Variants in ATP2C1 observed in about 807,000 individuals in gnomAD.
ATP2C1 encodes ATPase secretory pathway Ca2+ transporting 1.
A neutral mutation model predicts 120.5 loss-of-function variants in ATP2C1; 31 were observed. That is an observed-to-expected ratio of 0.26 (90% confidence interval 0.19 to 0.35). The LOEUF (loss-of-function observed/expected upper bound fraction) is 0.35, where lower values mean the gene tolerates loss of function less well. ATP2C1 is among the 10% of genes least tolerant of loss of function. ATP2C1 has a pLI of 1.00. For synonymous variants in ATP2C1, 351 were observed against 358.7 expected, an observed-to-expected ratio of 0.98 and a Z score of 0.24; for missense variants, 731 against 1,107.5, an observed-to-expected ratio of 0.66 and a Z score of 4.83.
intron 2 of ATP2C1, among the ~76,000 whole-genome samples, chr3:130,906,019 T>C (rs1015923010): frequency 6.6e-6 from 1 of 152,114 alleles, no homozygotes; most frequent in African/African-American, 2.4e-5. Context: ...GAATACTAAT[T>C]CTCTCATAGC....
At chr3:130,999,001 T>C (rs2062764689) in intron 26 of ATP2C1, among the ~76,000 whole-genome samples, 1 of 152,228 alleles carries the variant, frequency 6.6e-6, no homozygotes, top group Admixed American at 6.5e-5. Context: ...AAGCACTTTA[T>C]GAATCCTTAA....
At chr3:130,895,829 G>A (rs2069581404) in intron 2 of ATP2C1, among the ~76,000 whole-genome samples, 1 of 152,196 alleles carries the variant, frequency 6.6e-6, no homozygotes, top group African/African-American at 2.4e-5. Context: ...TCTGGGCTAT[G>A]TAGGGAATAT....
Position 130,934,817 on chromosome 3 carries a change from T to G in ATP2C1, c.324+106T>G, listed in dbSNP as rs940550029. 5 of 781,984 alleles carry G rather than the reference T, an allele frequency of 6.4e-6. No homozygotes were observed. In the African/African-American group the frequency reaches 8.7e-5, roughly 14 times the overall value. 48.4% of individuals were successfully genotyped at this position (781,984 alleles called of 1,614,324 possible). A position where few individuals can be genotyped will look rare whatever the true frequency, so the allele number is the denominator to read the frequency against. ...AGAAGTGCTCTCAGATTTTTTTCAG[T>G]GTCCAAATTCTGCTTTTATTTTATT... On this transcript the variant is annotated intron_variant, in intron 5 of 27. Coordinates refer to ENST00000510168, the MANE Select transcript of ATP2C1 (RefSeq NM_001378687.1).
At chr3:130,879,355 C>A (rs1214680362) in intron 1 of ATP2C1, among the ~76,000 whole-genome samples, 1 of 152,172 alleles carries the variant, frequency 6.6e-6, no homozygotes, top group African/African-American at 2.4e-5. Flanking sequence ...GTGTGAATCA[C>A]CATGCCTGGC....
chr3:131,014,018 G>C (rs757545640), intron 26 of ATP2C1: 1 of 1,429,098 alleles, frequency 7.0e-7, no homozygotes, highest in African/African-American at 1.4e-5. Context: ...TTTAAGTAAG[G>C]ATTATATTAA....
In ATP2C1 at chr3:131,001,791, A is replaced by G. The variant is rs2062897500; in HGVS notation, c.*441A>G. 1.0e-6 allele frequency: 1 copy of G among 985,710 alleles called. No homozygotes were observed. The highest frequency in any genetic ancestry group is 1.2e-6 in the Non-Finnish European group (1 of 829,776). 61.1% of individuals were successfully genotyped at this position (985,710 alleles called of 1,614,324 possible). ...ATTTCAAAGGCATTCTATTTGGTTT[A>G]GAAGTTGATTCCCAGGAGTGCCATA... On this transcript the variant is annotated 3_prime_UTR_variant, in exon 28 of 28. Coordinates refer to ENST00000510168, the MANE Select transcript of ATP2C1 (RefSeq NM_001378687.1).
chr3:130,912,406 GA>G (rs879281352), intron 2 of ATP2C1, among the ~76,000 whole-genome samples: 5,620 of 151,340 alleles, frequency 0.037, 339 homozygotes, highest in African/African-American at 0.12. Flanking sequence ...CAATTTACAA[GA>G]AAAAAACAAA....
rs921699942 is a variant in ATP2C1, at chr3:130,934,849, G to A, written c.324+138G>A. On this transcript the variant is annotated intron_variant, in intron 5 of 27. Coordinates refer to ENST00000510168, the MANE Select transcript of ATP2C1 (RefSeq NM_001378687.1). ...ATTCTGCTTTTATTTTATTCTTTTT[G>A]TTGCGACAGTTTCTTGTTGTATTGC... 4.6e-5 allele frequency: 31 copies of A among 679,734 alleles called. No homozygotes were observed. In the South Asian group the frequency reaches 4.7e-4, roughly 10 times the overall value. 42.1% of individuals were successfully genotyped at this position (679,734 alleles called of 1,614,324 possible). A position where few individuals can be genotyped will look rare whatever the true frequency, so the allele number is the denominator to read the frequency against.
intron 11 of ATP2C1, among the ~76,000 whole-genome samples, chr3:130,957,206 A>G (rs963269390): frequency 1.3e-5 from 2 of 152,174 alleles, no homozygotes; most frequent in African/African-American, 4.8e-5. Flanking sequence ...TCACCCTCCT[A>G]TTGATAATCT....
At position 130,867,296 on chromosome 3, in the gene ATP2C1, G is replaced by T. The variant is rs561548733; in HGVS notation, c.108+16368G>T. On this transcript the variant is annotated intron_variant, in intron 1 of 26. Coordinates refer to the ATP2C1 transcript ENST00000504381. ...TTTAAATCAAAAAATAGAAATGATT[G>T]TCCCTCTCCCTCTCCCTCTCCCTCT... Among the ~76,000 whole-genome samples, 235 of 134,866 alleles carry T rather than the reference G, an allele frequency of 1.7e-3. 3 individuals carry two copies. The highest frequency in any genetic ancestry group is 6.4e-3 in the African/African-American group (213 of 33,118). The allele number at this position is 134,866 out of a possible 152,430, so 88.5% of individuals were successfully genotyped here. A position where few individuals can be genotyped will look rare whatever the true frequency, so the allele number is the denominator to read the frequency against.
chr3:130,942,553 T>C (rs1470541592), intron 8 of ATP2C1, among the ~76,000 whole-genome samples: 1 of 152,186 alleles, frequency 6.6e-6, no homozygotes, highest in African/African-American at 2.4e-5. Context: ...AGTGTTCTCA[T>C]AGATGCTGTA....
At chr3:130,923,333 TCTC>T (rs779004203) in intron 2 of ATP2C1, among the ~76,000 whole-genome samples, 2 of 151,978 alleles carry the variant, frequency 1.3e-5, no homozygotes, top group Non-Finnish European at 2.9e-5. Flanking sequence ...TTCAAGCAAT[TCTC>T]CTGCCTCAGC....
intron 2 of ATP2C1, among the ~76,000 whole-genome samples, chr3:130,901,376 C>CA (rs2057814434): frequency 6.6e-6 from 1 of 151,762 alleles, no homozygotes; most frequent in Admixed American, 6.6e-5. Flanking sequence ...TATGAGGGGC[C>CA]AAGAGAGATT....
chr3:131,015,145 T>C (rs1319870230), intron 26 of ATP2C1: 19 of 690,058 alleles, frequency 2.8e-5, no homozygotes, highest in Non-Finnish European at 4.5e-5. Flanking sequence ...CCCAGAGATA[T>C]ATTAACAACA....
At chr3:130,932,228 T>C in intron 4 of ATP2C1, 90 bp downstream of exon 4, 1 of 844,712 alleles carries the variant, frequency 1.2e-6, no homozygotes, top group Middle Eastern at 2.3e-4. Context: ...ATACTGTTTA[T>C]GGAGAAAGGA....
At chr3:130,937,354 T>C (rs2059717201) in intron 5 of ATP2C1, 74 bp from the exon 6 acceptor site, 2 of 1,303,156 alleles carry the variant, frequency 1.5e-6, no homozygotes, top group Admixed American at 1.7e-5. Flanking sequence ...TGCAGATAGT[T>C]AGAAAAATAA....
intron 1 of ATP2C1, among the ~76,000 whole-genome samples, chr3:130,875,815 A>G (rs573548491): frequency 1.3e-5 from 2 of 151,296 alleles, no homozygotes; most frequent in Admixed American, 1.3e-4. Flanking sequence ...TAGTCATTCT[A>G]ACAAGTGTGA....
chr3:131,015,588 A>C (rs1331855839), intron 26 of ATP2C1, among the ~76,000 whole-genome samples: 1 of 152,122 alleles, frequency 6.6e-6, no homozygotes, highest in Non-Finnish European at 1.5e-5. Context: ...TTGGGCATCT[A>C]CTCATCATCT....
intron 1 of ATP2C1, among the ~76,000 whole-genome samples, chr3:130,877,106 C>G (rs889338111): frequency 6.6e-6 from 1 of 152,128 alleles, no homozygotes; most frequent in Non-Finnish European, 1.5e-5. Context: ...ATTTATTTCT[C>G]TTGCCTAATC....
Sources: allele counts gnomAD v4.1 joint callset (sites outside exome capture counted in the v4.1 genomes callset), GRCh38; gene constraint gnomAD v4.1.1; transcripts MANE v1.5; gene names NCBI Gene and HGNC (gene_info 2026-07-23, HGNC 2026-07-21).